The following RGS3 variants were observed in gnomAD, a reference collection of about 807,000 sequenced individuals.
RGS3 encodes regulator of G protein signaling 3.
In RGS3, 80 loss-of-function variants were observed where a neutral mutation model predicts 132.6. The observed-to-expected ratio is 0.60, with a 90% confidence interval of 0.50 to 0.73. The LOEUF is 0.73. Ranked by LOEUF, RGS3 falls within the 30% of genes least tolerant of loss-of-function variation. The pLI is 0.00. For missense variants in RGS3, 1,382 were observed against 1,530.8 expected, an observed-to-expected ratio of 0.90 and a Z score of 1.62; for synonymous variants, 598 against 620.6, an observed-to-expected ratio of 0.96 and a Z score of 0.54.
chr9:113,516,586 T>G (rs184058653), intron 15 of RGS3, among the ~76,000 whole-genome samples: 1 of 152,268 alleles, frequency 6.6e-6, no homozygotes, highest in African/African-American at 2.4e-5. Context: ...CTCGAACTCC[T>G]GACCTCAGGT....
intron 21 of RGS3, chr9:113,593,058 T>C (rs957144665): frequency 1.1e-4 from 16 of 152,224 alleles, no homozygotes; most frequent in African/African-American, 3.6e-4. Context: ...CCTGGCCTGC[T>C]GGCTTCTGTT....
At chr9:113,587,918 C>G (rs916580669) in intron 20 of RGS3, among the ~76,000 whole-genome samples, 2 of 152,254 alleles carry the variant, frequency 1.3e-5, no homozygotes, top group Non-Finnish European at 2.9e-5. Flanking sequence ...CCCCTGCCTT[C>G]CTGGCTGCTC....
intron 10 of RGS3, among the ~76,000 whole-genome samples, chr9:113,502,094 C>A (rs1830926028): frequency 6.6e-6 from 1 of 152,192 alleles, no homozygotes; most frequent in Non-Finnish European, 1.5e-5. Flanking sequence ...TTCCTCTCCC[C>A]TACTGCTGAT....
rs1348526123 is a variant in RGS3 at position 113,565,104 on chromosome 9, C to G, written c.2038-18346C>G. The G allele has an allele frequency of 3.4e-6, 4 of 1,166,294 alleles. No individual in the cohort carries two copies. Among genetic ancestry groups the G allele is most frequent in the Non-Finnish European group, 4.3e-6 (4 of 930,438 alleles). The allele number at this position is 1,166,294 out of a possible 1,614,324, so 72.2% of individuals were successfully genotyped here. A position where few individuals can be genotyped will look rare whatever the true frequency, so the allele number is the denominator to read the frequency against. ...AGGGATGGACGCCTCTCCCCCGGAG[C>G]AGCACTTTGGGGCCAGCTTGGGCCC... is the stretch of plus-strand genomic sequence containing the variant. On this transcript the variant is annotated intron_variant, in intron 19 of 24. Transcript: ENST00000350696. The surrounding 1 kb of genome is among the most constrained non-coding windows in gnomAD (Gnocchi z 5.7).
chr9:113,462,866 C>G (rs1829508613), intron 3 of RGS3, among the ~76,000 whole-genome samples: 1 of 152,170 alleles, frequency 6.6e-6, no homozygotes, highest in Non-Finnish European at 1.5e-5. Flanking sequence ...CCAACACTTC[C>G]CATTTTTAGA....
chr9:113,471,187 CTA>C (rs1245091152), intron 3 of RGS3, among the ~76,000 whole-genome samples: 6 of 152,028 alleles, frequency 3.9e-5, no homozygotes, highest in Non-Finnish European at 8.8e-5. Flanking sequence ...ACAGTTCACT[CTA>C]TTCCTATGGA....
intron 19 of RGS3, among the ~76,000 whole-genome samples, chr9:113,575,114 C>T (rs571567296): frequency 5.1e-4 from 78 of 152,244 alleles, no homozygotes; most frequent in Non-Finnish European, 9.0e-4. Context: ...CCCCGGGAGC[C>T]GCCTCCCCGC....
intron 6 of RGS3, among the ~76,000 whole-genome samples, chr9:113,484,483 T>C (rs1830268546): frequency 6.6e-6 from 1 of 152,196 alleles, no homozygotes; most frequent in Admixed American, 6.5e-5. Context: ...CTCTCATAAC[T>C]AAAATGCCCA....
intron 21 of RGS3, chr9:113,594,069 C>T (rs1341420303): frequency 6.2e-7 from 1 of 1,613,058 alleles, no homozygotes; most frequent in Admixed American, 1.7e-5. Flanking sequence ...CCCTCCTGGT[C>T]CCTCCCATTT....
At chr9:113,575,164 C>A (rs950293630) in intron 19 of RGS3, among the ~76,000 whole-genome samples, 11 of 152,188 alleles carry the variant, frequency 7.2e-5, no homozygotes, top group Non-Finnish European at 1.5e-4. Context: ...GGTGGTGGGT[C>A]TCCAGCAGGC....
intron 10 of RGS3, among the ~76,000 whole-genome samples, chr9:113,500,529 C>T (rs1830840111): frequency 1.3e-5 from 2 of 152,120 alleles, no homozygotes; most frequent in Non-Finnish European, 2.9e-5. Flanking sequence ...TGCTGTTTGA[C>T]CATAACCTCT....
At chr9:113,515,824 C>T (rs4596719) in intron 15 of RGS3, among the ~76,000 whole-genome samples, 18,025 of 152,102 alleles carry the variant, frequency 0.12, 1,273 homozygotes, top group African/African-American at 0.19. Flanking sequence ...CCACTAAATG[C>T]TCTGTGTTTT....
exon 14 of RGS3, chr9:113,508,543 G>T: frequency 6.2e-7 from 1 of 1,612,616 alleles, no homozygotes; most frequent in East Asian, 2.2e-5. Context: ...CCTTGCAGCT[G>T]CTCCGGCCTG....
At chr9:113,497,012 A>G (rs1484810714) in intron 8 of RGS3, among the ~76,000 whole-genome samples, 3 of 152,168 alleles carry the variant, frequency 2.0e-5, no homozygotes, top group East Asian at 1.9e-4. Context: ...TATACCAGGC[A>G]TAGTGTGAGG....
chr9:113,478,663 A>T (rs1830067757), intron 3 of RGS3, among the ~76,000 whole-genome samples: 1 of 151,992 alleles, frequency 6.6e-6, no homozygotes, highest in African/African-American at 2.4e-5. Flanking sequence ...TAATTAAAAA[A>T]TAGCTGGGCA....
chr9:113,584,262 G>A (rs575127554), exon 20 of RGS3: 1 of 1,612,334 alleles, frequency 6.2e-7, no homozygotes, highest in Non-Finnish European at 8.5e-7. Flanking sequence ...TGCTGCAGGA[G>A]CCCCGAGGGC....
intron 19 of RGS3, among the ~76,000 whole-genome samples, chr9:113,551,803 G>A (rs1414866629): frequency 6.6e-6 from 1 of 152,164 alleles, no homozygotes; most frequent in Non-Finnish European, 1.5e-5. Flanking sequence ...AGGTTGCACG[G>A]AGCTAAGATC....
intron 19 of RGS3, among the ~76,000 whole-genome samples, chr9:113,542,671 C>T (rs973173503): frequency 9.9e-5 from 15 of 152,150 alleles, no homozygotes; most frequent in Non-Finnish European, 1.8e-4. Flanking sequence ...GGCCAGGCCT[C>T]GTGGGGGATA....
exon 19 of RGS3, chr9:113,536,797 A>C: frequency 5.0e-6 from 8 of 1,613,408 alleles, no homozygotes; most frequent in Non-Finnish European, 6.8e-6. Flanking sequence ...TGACGTCAGA[A>C]GGCAGAGTGC....
Sources: gnomAD v4.1 joint callset for allele counts (sites outside exome capture counted in the v4.1 genomes callset) on GRCh38, gnomAD v4.1.1 for gene constraint, Gnocchi (gnomAD v3.1) non-coding constraint, MANE v1.5 for transcripts, NCBI Gene and HGNC (gene_info 2026-07-23, HGNC 2026-07-21) for gene names.